Variants in PGGT1B observed in about 807,000 individuals in gnomAD.
The protein encoded by PGGT1B is protein geranylgeranyltransferase type I subunit beta.
Under a neutral mutation model 46.1 loss-of-function variants are expected in PGGT1B, and 30 were observed. The observed-to-expected ratio is 0.65, with a 90% CI of 0.49 to 0.88. PGGT1B has a LOEUF of 0.88. Among genes scored for constraint, PGGT1B ranks in the 40% least tolerant of loss-of-function variants. The pLI is 0.00. For missense variants in PGGT1B, 376 were observed against 455.9 expected, an observed-to-expected ratio of 0.82 and a Z score of 1.60; for synonymous variants, 170 against 160.0, an observed-to-expected ratio of 1.06 and a Z score of -0.47.
Position 115,230,995 on chromosome 5 carries a change from T to A in PGGT1B, c.639A>T (p.Gly213=), listed in dbSNP as rs764651306. Residue 213 remains glycine, a synonymous_variant, in exon 6 of 9, where the codon GGA becomes GGT. Coordinates refer to ENST00000419445, the MANE Select transcript of PGGT1B (RefSeq NM_005023.4). ...SMSYDNGLAQ[G]AGLESHGGST... The stretch of plus-strand genomic sequence containing the variant: ...TCTTACCATGAGATTCAAGTCCAGC[T>A]CCCTGTGCCAGTCCATTGTCATAGG... 6.3e-7 allele frequency: 1 copy of A among 1,577,398 alleles called. No homozygotes were observed. The highest frequency in any genetic ancestry group is 8.7e-7 in the Non-Finnish European group (1 of 1,154,832).
intron 7 of PGGT1B, among the ~76,000 whole-genome samples, chr5:115,221,472 T>C (rs1160840825): frequency 1.3e-5 from 2 of 152,086 alleles, no homozygotes; most frequent in Admixed American, 6.6e-5. Flanking sequence ...TTTACTGCTA[T>C]CATTTTCAGA....
chr5:115,240,794 G>A (rs955764058), intron 3 of PGGT1B, among the ~76,000 whole-genome samples: 1 of 152,176 alleles, frequency 6.6e-6, no homozygotes, highest in Non-Finnish European at 1.5e-5. Context: ...ACATAAGCAG[G>A]CTGGCCCCAT....
At chr5:115,245,792 C>T (rs889158186) in intron 2 of PGGT1B, among the ~76,000 whole-genome samples, 1 of 152,034 alleles carries the variant, frequency 6.6e-6, no homozygotes, top group African/African-American at 2.4e-5. Context: ...ACCACGGTCA[C>T]AGTATAGGGA....
chr5:115,257,368 G>A (rs1748364125), intron 1 of PGGT1B, among the ~76,000 whole-genome samples: 1 of 151,842 alleles, frequency 6.6e-6, no homozygotes, highest in Non-Finnish European at 1.5e-5. Flanking sequence ...CAAAAAGTCA[G>A]CTAGGCGTGG....
At position 115,215,385 on chromosome 5, in the gene PGGT1B, G is replaced by A. The variant is rs1001226771; in HGVS notation, c.952+1480C>T. Among the ~76,000 whole-genome samples, 6 of 152,132 alleles carry A rather than the reference G, an allele frequency of 3.9e-5. No individual in the cohort carries two copies. The South Asian group carries it at 1.2e-3, about 32-fold the overall frequency. ...GTGACCTTGGCTCACTGCAACCTCT[G>A]CCTCCCAGGTTCAGGCAATTCTTCT... On this transcript the variant is annotated intron_variant, in intron 8 of 8. Coordinates refer to ENST00000419445, the MANE Select transcript of PGGT1B (RefSeq NM_005023.4).
chr5:115,229,557 G>T (rs1043236856), intron 6 of PGGT1B, among the ~76,000 whole-genome samples: 4 of 152,086 alleles, frequency 2.6e-5, no homozygotes, highest in Admixed American at 2.6e-4. Flanking sequence ...CCATTAGACA[G>T]TGTCATGTTT....
rs145075585 is a variant in PGGT1B at position 115,221,197 on chromosome 5, A to T, written c.843+627T>A. Among the ~76,000 whole-genome samples, 454 of 151,994 alleles carry T rather than the reference A, an allele frequency of 3.0e-3. 1 individual carries two copies. The highest frequency in any genetic ancestry group is 0.01 in the African/African-American group (422 of 41,486). ...GACTCCTCTAACAGACTCCTGTTACATGGCAGAATATCAGAACAAGGTAAC... is the reference window on the plus strand; with the variant it reads ...GACTCCTCTAACAGACTCCTGTTACTTGGCAGAATATCAGAACAAGGTAAC... On this transcript the variant is annotated intron_variant, in intron 7 of 8. Transcript: ENST00000419445.
intron 1 of PGGT1B, among the ~76,000 whole-genome samples, chr5:115,260,380 T>C (rs376912319): frequency 2.5e-4 from 38 of 152,202 alleles, no homozygotes; most frequent in African/African-American, 8.2e-4. Context: ...CCTAGACACA[T>C]GGGGAGGCAC....
At chr5:115,223,678 T>A (rs767274916) in intron 6 of PGGT1B, among the ~76,000 whole-genome samples, 102 of 152,270 alleles carry the variant, frequency 6.7e-4, no homozygotes, top group Non-Finnish European at 1.2e-3. Flanking sequence ...TTGTGCTGCT[T>A]TACACCCCTA....
At chr5:115,221,667 G>GA (rs1207479642) in intron 7 of PGGT1B, among the ~76,000 whole-genome samples, 157 bp downstream of exon 7, 1 of 151,986 alleles carries the variant, frequency 6.6e-6, no homozygotes, top group Non-Finnish European at 1.5e-5. Context: ...GATTTCTATG[G>GA]AAAAACCATA....
chr5:115,223,615 G>T (rs775440578), intron 6 of PGGT1B, among the ~76,000 whole-genome samples: 24 of 152,162 alleles, frequency 1.6e-4, no homozygotes, highest in Non-Finnish European at 3.4e-4. Context: ...GTAAGTCTCA[G>T]TTCAGACTTA....
chr5:115,222,528 T>C (rs1285425481), intron 6 of PGGT1B, among the ~76,000 whole-genome samples: 1 of 152,178 alleles, frequency 6.6e-6, no homozygotes, highest in Non-Finnish European at 1.5e-5. Flanking sequence ...GTAAAGGTGT[T>C]CCTATTTACT....
Position 115,212,240 on chromosome 5 carries a change from T to C in PGGT1B, c.*162A>G, listed in dbSNP as rs1282981404. On this transcript the variant is annotated 3_prime_UTR_variant, in exon 9 of 9. Coordinates refer to ENST00000419445, the MANE Select transcript of PGGT1B (RefSeq NM_005023.4). ...ACAAAGATTTTCTTGAAACCCAGTA[T>C]AAAGATTACTGGCTCAAGACCATAT... The C allele has an allele frequency of 3.1e-6, 4 of 1,292,712 alleles. No homozygotes were observed. The highest frequency in any genetic ancestry group is 3.1e-5 in the Admixed American group (1 of 32,198). 80.1% of individuals were successfully genotyped at this position (1,292,712 alleles called of 1,614,324 possible). A position where few individuals can be genotyped will look rare whatever the true frequency, so the allele number is the denominator to read the frequency against.
At chr5:115,247,185 T>G (rs374017436) in intron 2 of PGGT1B, among the ~76,000 whole-genome samples, 1 of 152,182 alleles carries the variant, frequency 6.6e-6, no homozygotes, top group Non-Finnish European at 1.5e-5. Context: ...CATTGAAAGA[T>G]AGTACATTTA....
chr5:115,241,697 A>G, intron 2 of PGGT1B, 91 bp from the exon 3 acceptor site: 3 of 886,792 alleles, frequency 3.4e-6, no homozygotes, highest in South Asian at 1.9e-5. Flanking sequence ...TCAGAAACAG[A>G]CTATTTTAGT....
chr5:115,248,120 C>A (rs1747932060), intron 2 of PGGT1B, among the ~76,000 whole-genome samples: 1 of 152,090 alleles, frequency 6.6e-6, no homozygotes, highest in Non-Finnish European at 1.5e-5. Context: ...AATATTAAAT[C>A]TTCTTATCTA....
At chr5:115,254,547 G>A (rs990971795) in intron 1 of PGGT1B, among the ~76,000 whole-genome samples, 2 of 151,532 alleles carry the variant, frequency 1.3e-5, no homozygotes, top group African/African-American at 4.8e-5. Context: ...TTTGGATTAG[G>A]GATGCTCAAT....
intron 6 of PGGT1B, among the ~76,000 whole-genome samples, chr5:115,228,663 A>C (rs557724555): frequency 6.6e-6 from 1 of 152,176 alleles, no homozygotes. Flanking sequence ...CTTGAGATTT[A>C]GGAAGAACTA....
chr5:115,262,830 T>C lies in PGGT1B; in HGVS notation c.22A>G (p.Arg8Gly), dbSNP rs1463535953. 1 of 1,612,218 alleles carries C rather than the reference T, an allele frequency of 6.2e-7. No individual in the cohort carries two copies. Among genetic ancestry groups the C allele is most frequent in the Non-Finnish European group, 8.5e-7 (1 of 1,179,882 alleles). The part of the protein sequence containing the change: MAATEDE[R>G]LAGSGEGERL... Reference sequence around the variant, plus strand: ...TCTCCCTCACCGCTCCCTGCTAGCCTCTCATCCTCAGTGGCCGCCATGCTG... The same window carrying C: ...TCTCCCTCACCGCTCCCTGCTAGCCCCTCATCCTCAGTGGCCGCCATGCTG... Residue 8 changes from arginine to glycine, a missense_variant, in exon 1 of 9, where the codon AGG (arginine) becomes GGG (glycine). Arg to Gly is a moderately radical substitution (Grantham distance 125, BLOSUM62 -2). Transcript: ENST00000419445.
Sources: allele counts gnomAD v4.1 joint callset (sites outside exome capture counted in the v4.1 genomes callset), GRCh38; gene constraint gnomAD v4.1.1; transcripts MANE v1.5; gene names NCBI Gene and HGNC (gene_info 2026-07-23, HGNC 2026-07-21).